The following CHTF8 variants were observed in gnomAD, a reference collection of about 807,000 sequenced individuals.
The protein encoded by CHTF8 is chromosome transmission fidelity factor 8.
Under a neutral mutation model 11.0 loss-of-function variants are expected in CHTF8, and 6 were observed. That is an observed-to-expected ratio of 0.55 (90% CI 0.30 to 1.08). The LOEUF is 1.08. Among genes scored for constraint, CHTF8 ranks in the 50% least tolerant of loss-of-function variants. The probability of loss-of-function intolerance (pLI) is 0.07; values close to 1 mark genes in which losing one functional copy is unlikely to be tolerated. For missense variants in CHTF8, 140 were observed against 153.1 expected (o/e 0.91, Z 0.45); for synonymous variants, 53 against 60.5 (o/e 0.88, Z 0.57).
At chr16:69,122,143 C>G (rs1961720885) in intron 1 of CHTF8, among the ~76,000 whole-genome samples, 1 of 152,174 alleles carries the variant, frequency 6.6e-6, no homozygotes, top group South Asian at 2.1e-4. Context: ...CCTTTAGACA[C>G]ATTTTATCTT....
intron 1 of CHTF8, among the ~76,000 whole-genome samples, chr16:69,125,812 T>G (rs1302215857): frequency 6.6e-6 from 1 of 152,246 alleles, no homozygotes; most frequent in Non-Finnish European, 1.5e-5. Flanking sequence ...CCTGTAAGTG[T>G]GGACCTCTTT....
At chr16:69,124,511 C>T (rs1219126274) in intron 1 of CHTF8, among the ~76,000 whole-genome samples, 1 of 151,842 alleles carries the variant, frequency 6.6e-6, no homozygotes, top group African/African-American at 2.4e-5. Flanking sequence ...ACAACCTTCA[C>T]CTTCCAGCTT....
At chr16:69,130,197 G>A (rs777442162) in intron 1 of CHTF8, among the ~76,000 whole-genome samples, 2 of 152,208 alleles carry the variant, frequency 1.3e-5, no homozygotes, top group Non-Finnish European at 2.9e-5. Flanking sequence ...AGTGTGATAT[G>A]TATCCAATTA....
At chr16:69,129,984 C>G (rs1962376517) in intron 1 of CHTF8, among the ~76,000 whole-genome samples, 1 of 152,200 alleles carries the variant, frequency 6.6e-6, no homozygotes. Context: ...AAGCTTTACC[C>G]TCTGCTCCTG....
At chr16:69,121,222 T>G (rs1362170496) in intron 2 of CHTF8, 52 bp from the exon 3 acceptor site, 50 of 1,495,330 alleles carry the variant, frequency 3.3e-5, no homozygotes, top group East Asian at 2.5e-4. Context: ...GAAGGATGAA[T>G]AGTGTCCTCA....
chr16:69,121,763 G>A (rs1448516171), intron 1 of CHTF8, among the ~76,000 whole-genome samples: 2 of 152,100 alleles, frequency 1.3e-5, no homozygotes, highest in Admixed American at 6.5e-5. Context: ...CGCCTCCGGG[G>A]TTCATGCCAT....
Position 69,124,934 on chromosome 16 carries a change from C to T in CHTF8, c.-35-3441G>A, listed in dbSNP as rs145262768. 3.1e-3 allele frequency among the ~76,000 whole-genome samples: 469 copies of T among 150,052 alleles called. 1 individual carries two copies. The highest frequency in any genetic ancestry group is 9.8e-3 in the African/African-American group (400 of 40,804). ...CTAGACTTTTTTTGAGACAGAGTTT[C>T]GCTCCTGTTGCCCAGGCTGGAGTGC... On this transcript the variant is annotated intron_variant, in intron 1 of 3. Coordinates refer to ENST00000448552, the MANE Select transcript of CHTF8 (RefSeq NM_001039690.5).
intron 1 of CHTF8, among the ~76,000 whole-genome samples, chr16:69,126,975 G>A (rs553799608): frequency 3.3e-5 from 5 of 152,180 alleles, no homozygotes; most frequent in Admixed American, 6.5e-5. Context: ...GGCCGGGCGC[G>A]GTGGCTCATG....
At position 69,120,604 on chromosome 16, in the gene CHTF8, T is replaced by C. The variant is rs374862746; in HGVS notation, c.187A>G (p.Ile63Val). 38 of 1,613,710 alleles carry C rather than the reference T, an allele frequency of 2.4e-5. No homozygotes were observed. The highest frequency in any genetic ancestry group is 3.0e-5 in the Non-Finnish European group (35 of 1,179,836). The change falls in exon 4 of 4, where the codon ATC becomes GTC. Residue 63 changes from isoleucine to valine, a missense_variant. By Grantham distance (29) the Ile-to-Val change is conservative (BLOSUM62 3). Transcript: ENST00000448552. This position sits in a 1 kb window ranked among gnomAD's most constrained non-coding sequence, Gnocchi z 4.0. ...GCAAAAGGTTTCTCCAGGTGGATGA[T>C]TTTCCCATACAGGATATGATGCCCC... Reference protein sequence around the residue: ...IVGHHILYGKIIHLEKPFAVL... With the variant: ...IVGHHILYGKVIHLEKPFAVL...
chr16:69,132,476 G>T lies in CHTF8; in HGVS notation c.-36+8C>A. 3 of 243,234 alleles carry T rather than the reference G, an allele frequency of 1.2e-5. No individual in the cohort carries two copies. The highest frequency in any genetic ancestry group is 1.2e-4 in the South Asian group (3 of 25,314). The allele number at this position is 243,234 out of a possible 1,614,324, so 15.1% of individuals were successfully genotyped here. A position where few individuals can be genotyped will look rare whatever the true frequency, so the allele number is the denominator to read the frequency against. On this transcript the variant is annotated splice_region_variant and intron_variant, in intron 1 of 3. Transcript: ENST00000448552. ...GCAGCCTCCCGTGCCCCCCGCCCGC[G>T]GCCTGACCTGCAATGGCGGCCGCCG...
At chr16:69,121,721 G>A (rs1213629912) in intron 1 of CHTF8, among the ~76,000 whole-genome samples, 2 of 149,066 alleles carry the variant, frequency 1.3e-5, no homozygotes, top group African/African-American at 5.0e-5. Flanking sequence ...AGGTTGGAGT[G>A]CAATGGCACG....
rs1220194471 is a variant in CHTF8 at position 69,118,738 on chromosome 16, G to C, written c.*1687C>G. 1.1e-5 allele frequency: 7 copies of C among 639,766 alleles called. No individual in the cohort carries two copies. Among genetic ancestry groups the C allele is most frequent in the Non-Finnish European group, 2.0e-5 (7 of 356,804 alleles). 39.6% of individuals were successfully genotyped at this position (639,766 alleles called of 1,614,324 possible). A position where few individuals can be genotyped will look rare whatever the true frequency, so the allele number is the denominator to read the frequency against. ...GGAAAAAGATGGCTCATTTGAACTT[G>C]AGCCCAAGCTATGTTCTTCAGACTG... On this transcript the variant is annotated 3_prime_UTR_variant, in exon 4 of 4. Coordinates refer to ENST00000448552, the MANE Select transcript of CHTF8 (RefSeq NM_001039690.5).
At chr16:69,128,415 A>G (rs1265985171) in intron 1 of CHTF8, among the ~76,000 whole-genome samples, 1 of 152,180 alleles carries the variant, frequency 6.6e-6, no homozygotes, top group Non-Finnish European at 1.5e-5. Flanking sequence ...GTAGCCTTGG[A>G]AAGATAAGAA....
At chr16:69,121,281 T>C (rs1961635155) in intron 2 of CHTF8, 111 bp from the exon 3 acceptor site, 1 of 1,270,240 alleles carries the variant, frequency 7.9e-7, no homozygotes, top group Non-Finnish European at 1.1e-6. Context: ...GTCAAGTTCT[T>C]GGGAAATTGG....
At position 69,118,427 on chromosome 16, in the gene CHTF8, T is replaced by A. The variant is rs1393601114; in HGVS notation, c.*1998A>T. 1 of 1,612,848 alleles carries A rather than the reference T, an allele frequency of 6.2e-7. No individual in the cohort carries two copies. Among genetic ancestry groups the A allele is most frequent in the Non-Finnish European group, 8.5e-7 (1 of 1,178,828 alleles). On this transcript the variant is annotated 3_prime_UTR_variant, in exon 4 of 4. Transcript: ENST00000448552. The stretch of plus-strand genomic sequence containing the variant: ...CCAGGTCAGAGCTACGGAAGCATGG[T>A]CCGTTCACCAACGCCACGTTTCTAG...
At chr16:69,122,714 G>T (rs558098820) in intron 1 of CHTF8, among the ~76,000 whole-genome samples, 4 of 151,922 alleles carry the variant, frequency 2.6e-5, no homozygotes, top group Non-Finnish European at 4.4e-5. Context: ...GCTAATTTTT[G>T]TATTTTTAGT....
chr16:69,118,310 G>T lies in CHTF8; in HGVS notation c.*2115C>A. 1 of 1,205,290 alleles carries T rather than the reference G, an allele frequency of 8.3e-7. No homozygotes were observed. The highest frequency in any genetic ancestry group is 1.2e-6 in the Non-Finnish European group (1 of 807,386). The allele number at this position is 1,205,290 out of a possible 1,614,324, so 74.7% of individuals were successfully genotyped here. ...GTCAAGCAGAAACTGCATTCGGTGGGTCTTTCTTTGAAGTGGTTGTCCATC... is the reference window on the plus strand; with the variant it reads ...GTCAAGCAGAAACTGCATTCGGTGGTTCTTTCTTTGAAGTGGTTGTCCATC... On this transcript the variant is annotated 3_prime_UTR_variant, in exon 4 of 4. Transcript: ENST00000448552.
chr16:69,119,411 G>C lies in CHTF8; in HGVS notation c.*1014C>G. On this transcript the variant is annotated 3_prime_UTR_variant, in exon 4 of 4. Transcript: ENST00000448552. ...AAATGAGCTGAATTAGGGCCTATGG[G>C]GCCAGGAGCCCTTGACATGGGAGAT... 1.4e-6 allele frequency: 1 copy of C among 702,926 alleles called. No homozygotes were observed. The highest frequency in any genetic ancestry group is 2.6e-6 in the Non-Finnish European group (1 of 384,976). 43.5% of individuals were successfully genotyped at this position (702,926 alleles called of 1,614,324 possible).
At chr16:69,124,958 GC>G (rs1436632153) in intron 1 of CHTF8, among the ~76,000 whole-genome samples, 1 of 151,938 alleles carries the variant, frequency 6.6e-6, no homozygotes, top group East Asian at 1.9e-4. Flanking sequence ...AGGCTGGAGT[GC>G]AATGGCGCGA....
Sources: gnomAD v4.1 joint callset for allele counts (sites outside exome capture counted in the v4.1 genomes callset) on GRCh38, gnomAD v4.1.1 for gene constraint, Gnocchi (gnomAD v3.1) non-coding constraint, MANE v1.5 for transcripts, NCBI Gene and HGNC (gene_info 2026-07-23, HGNC 2026-07-21) for gene names.